The following FUT8 variants were observed in gnomAD, a reference collection of about 807,000 sequenced individuals.
The protein encoded by FUT8 is fucosyltransferase 8.
Under a neutral mutation model 71.3 loss-of-function variants are expected in FUT8, and 29 were observed. The observed-to-expected ratio is 0.41, with a 90% CI of 0.30 to 0.55. The LOEUF (loss-of-function observed/expected upper bound fraction) is 0.55, where lower values mean the gene tolerates loss of function less well. FUT8 is among the 20% of genes least tolerant of loss of function. The pLI is 0.34. For synonymous variants in FUT8, 254 were observed against 239.3 expected (o/e 1.06, Z -0.57); for missense variants, 544 against 702.1 (o/e 0.77, Z 2.55).
intron 6 of FUT8, among the ~76,000 whole-genome samples, chr14:65,641,523 T>A (rs1890829424): frequency 1.3e-5 from 2 of 152,214 alleles, no homozygotes; most frequent in African/African-American, 4.8e-5. Flanking sequence ...CTTGGCTAAA[T>A]ACCTAGGAGT....
At chr14:65,693,179 G>C (rs888314286) in intron 7 of FUT8, among the ~76,000 whole-genome samples, 2 of 152,246 alleles carry the variant, frequency 1.3e-5, no homozygotes, top group South Asian at 4.1e-4. Flanking sequence ...AGGTTGTAGC[G>C]AGCCGAGATC....
chr14:65,492,113 T>C (rs972705901), intron 2 of FUT8, among the ~76,000 whole-genome samples: 1 of 152,240 alleles, frequency 6.6e-6, no homozygotes, highest in Non-Finnish European at 1.5e-5. Flanking sequence ...TCAATGTGCC[T>C]AATTATACAA....
At chr14:65,621,929 A>G (rs1293378130) in intron 5 of FUT8, among the ~76,000 whole-genome samples, 2 of 151,948 alleles carry the variant, frequency 1.3e-5, no homozygotes. Context: ...GGTTCAAGCA[A>G]TTCTCGTGCC....
chr14:65,502,237 T>G (rs113075795), intron 2 of FUT8, among the ~76,000 whole-genome samples: 19,604 of 151,408 alleles, frequency 0.13, 1,632 homozygotes, highest in East Asian at 0.38. Context: ...TGTTATTTTT[T>G]TTTTTGAGAC....
intron 2 of FUT8, among the ~76,000 whole-genome samples, chr14:65,542,288 G>A (rs1397630985): frequency 6.6e-6 from 1 of 152,022 alleles, no homozygotes; most frequent in Non-Finnish European, 1.5e-5. Context: ...CTATATTAGC[G>A]GTGCCAGGAT....
At position 65,669,135 on chromosome 14, in the gene FUT8, A is replaced by G; in HGVS notation, c.598-108A>G. On this transcript the variant is annotated intron_variant, in intron 6 of 10. Transcript: ENST00000673929. The surrounding 1 kb of genome is among the most constrained non-coding windows in gnomAD (Gnocchi z 4.5). ...CCCACGACACACAATTTATCTATAG[A>G]ACAAACCTGCATGTGTACCCCTGAA... 7.8e-6 allele frequency: 6 copies of G among 773,614 alleles called. No individual in the cohort carries two copies. The highest frequency in any genetic ancestry group is 1.2e-5 in the Non-Finnish European group (6 of 483,996). 47.9% of individuals were successfully genotyped at this position (773,614 alleles called of 1,614,324 possible). A position where few individuals can be genotyped will look rare whatever the true frequency, so the allele number is the denominator to read the frequency against.
intron 2 of FUT8, among the ~76,000 whole-genome samples, chr14:65,521,551 T>C (rs1477170845): frequency 1.3e-5 from 2 of 152,244 alleles, no homozygotes; most frequent in Non-Finnish European, 1.5e-5. Context: ...AGTGATGCTC[T>C]GAATTTGGTG....
the FUT8 span, among the ~76,000 whole-genome samples, chr14:65,385,190 C>T: frequency 0.018 from 2,769 of 152,112 alleles, 84 homozygotes; most frequent in African/African-American, 0.063. Context: ...TGAGCCACCG[C>T]GCCCGGCCTT....
intron 7 of FUT8, among the ~76,000 whole-genome samples, chr14:65,673,309 T>C (rs1185853092): frequency 6.6e-6 from 1 of 152,194 alleles, no homozygotes; most frequent in Non-Finnish European, 1.5e-5. Context: ...ATAAAAGTAA[T>C]TCAATTAAAG....
chr14:65,377,178 C>T, the FUT8 span, among the ~76,000 whole-genome samples: 1 of 152,150 alleles, frequency 6.6e-6, no homozygotes, highest in Non-Finnish European at 1.5e-5. Context: ...AATTATCCTA[C>T]ATGCTGCAGC....
intron 6 of FUT8, among the ~76,000 whole-genome samples, chr14:65,631,582 T>C (rs1370561695): frequency 2.0e-5 from 3 of 152,190 alleles, no homozygotes; most frequent in Non-Finnish European, 4.4e-5. Context: ...GTTTCAGATA[T>C]TGCTATTTAA....
At chr14:65,385,121 A>C in the FUT8 span, among the ~76,000 whole-genome samples, 4 of 151,514 alleles carry the variant, frequency 2.6e-5, no homozygotes, top group Non-Finnish European at 5.9e-5. Flanking sequence ...CTGGTCTCGA[A>C]CTCCTGACCT....
chr14:65,546,709 C>A (rs376073673), intron 2 of FUT8, among the ~76,000 whole-genome samples: 1 of 151,618 alleles, frequency 6.6e-6, no homozygotes, highest in Non-Finnish European at 1.5e-5. Context: ...TTGAGGTATA[C>A]GGTAAGTATA....
intron 3 of FUT8, among the ~76,000 whole-genome samples, chr14:65,595,326 G>A (rs1364970882): frequency 6.6e-6 from 1 of 152,072 alleles, no homozygotes; most frequent in East Asian, 1.9e-4. Flanking sequence ...GAACCCTGTT[G>A]TGTCTATTTG....
At chr14:65,634,506 T>C (rs550514856) in intron 6 of FUT8, among the ~76,000 whole-genome samples, 1 of 151,092 alleles carries the variant, frequency 6.6e-6, no homozygotes, top group Non-Finnish European at 1.5e-5. Context: ...CCTCCACTAT[T>C]GTCCTATGAC....
intron 1 of FUT8, among the ~76,000 whole-genome samples, chr14:65,414,425 C>A (rs1057487478): frequency 1.1e-4 from 16 of 152,146 alleles, no homozygotes; most frequent in African/African-American, 3.6e-4. Context: ...TACAGTATAT[C>A]AGATATATGA....
At position 65,467,225 on chromosome 14, in the gene FUT8, T is replaced by C. The variant is rs1400227565; in HGVS notation, c.-228+11507T>C. 6.6e-6 allele frequency among the ~76,000 whole-genome samples: 1 copy of C among 152,150 alleles called. No homozygotes were observed. Among genetic ancestry groups the C allele is most frequent in the African/African-American group, 2.4e-5 (1 of 41,430 alleles). On this transcript the variant is annotated intron_variant, in intron 2 of 10. Transcript: ENST00000673929. The surrounding 1 kb of genome is among the most constrained non-coding windows in gnomAD (Gnocchi z 4.1). ...TCTTTATTTCTTCACTTTTGGAGGA[T>C]ACTTTTGCTGGGATTCTATAGGCAT...
chr14:65,519,639 T>C (rs1397329647), intron 2 of FUT8, among the ~76,000 whole-genome samples: 1 of 152,210 alleles, frequency 6.6e-6, no homozygotes, highest in Non-Finnish European at 1.5e-5. Flanking sequence ...TAAATAGTGT[T>C]ACTGGTTGAT....
chr14:65,651,750 AT>A (rs1891420023), intron 6 of FUT8, among the ~76,000 whole-genome samples: 1 of 152,228 alleles, frequency 6.6e-6, no homozygotes, highest in Non-Finnish European at 1.5e-5. Context: ...AATAAACTAA[AT>A]TAAAAATTAG....
Sources: gnomAD v4.1 joint callset for allele counts (sites outside exome capture counted in the v4.1 genomes callset) on GRCh38, gnomAD v4.1.1 for gene constraint, Gnocchi (gnomAD v3.1) non-coding constraint, MANE v1.5 for transcripts, NCBI Gene and HGNC (gene_info 2026-07-23, HGNC 2026-07-21) for gene names.